LGI4: variants seen among roughly 807,000 people sequenced by gnomAD.
LGI4 encodes the protein leucine-rich repeat LGI family member 4.
A neutral mutation model predicts 48.3 loss-of-function variants in LGI4; 36 were observed. The ratio of observed to expected loss-of-function variants is 0.75; its 90% confidence interval spans 0.57 to 0.98. The LOEUF (loss-of-function observed/expected upper bound fraction) is 0.98. LGI4 is among the 50% of genes least tolerant of loss of function. The pLI is 0.00. For synonymous variants in LGI4, 355 were observed against 331.6 expected, an observed-to-expected ratio of 1.07 and a Z score of -0.77; for missense variants, 701 against 732.1, an observed-to-expected ratio of 0.96 and a Z score of 0.49.
At chr19:35,128,178 CT>C (rs762277146) in intron 6 of LGI4, among the ~76,000 whole-genome samples, 1 of 152,206 alleles carries the variant, frequency 6.6e-6, no homozygotes. Flanking sequence ...TCCTTCTATC[CT>C]TAATTCATGG....
chr19:35,129,621 G>A (rs1334391703), intron 6 of LGI4, among the ~76,000 whole-genome samples: 1 of 152,096 alleles, frequency 6.6e-6, no homozygotes, highest in African/African-American at 2.4e-5. Context: ...CTCCATTCTC[G>A]ATTAGCCGGG....
At position 35,126,742 on chromosome 19, in the gene LGI4, A is replaced by T. The variant is rs1290174991; in HGVS notation, c.827T>A (p.Leu276Gln). 1 of 1,542,014 alleles carries T rather than the reference A, an allele frequency of 6.5e-7. No individual in the cohort carries two copies. Among genetic ancestry groups the T allele is most frequent in the East Asian group, 2.4e-5 (1 of 41,152 alleles). The change falls in exon 8 of 9, where the codon CTG (leucine) becomes CAG (glutamine). Residue 276 changes from leucine (L) to glutamine (Q), a missense_variant. This residue lies in a region of LGI4 where 462 missense variants were observed against 436.4 expected (regional missense o/e 1.06). Transcript: ENST00000310123. ...AGCCAGCACGAAGAGGCTCGGGCCC[A>T]GCACCAGTGGCTTGCAGGACACCAC... ...ASVVSCKPLV[L>Q]GPSLFVLAAR...
At position 35,126,571 on chromosome 19, in the gene LGI4, AC is replaced by A; in HGVS notation, c.997del (p.Val333TrpfsTer137). ...LWLEGQPCFV[V>X]ADASKAGSTT... ...GCTGCCCGCCTTGGAGGCATCGGCC[AC>A]CACGAAGCAGGGTTGCCCTTCCAGC... On this transcript the variant is annotated frameshift_variant, in exon 8 of 9. Coordinates refer to ENST00000310123, the MANE Select transcript of LGI4 (RefSeq NM_139284.3). LOFTEE classifies it high-confidence loss of function. The A allele has an allele frequency of 1.3e-6, 2 of 1,539,670 alleles. No individual in the cohort carries two copies. Among genetic ancestry groups the A allele is most frequent in the Non-Finnish European group, 8.7e-7 (1 of 1,148,220 alleles).
chr19:35,132,203 T>A (rs1013056814), intron 3 of LGI4, among the ~76,000 whole-genome samples, 161 bp from the exon 4 acceptor site: 12 of 152,120 alleles, frequency 7.9e-5, no homozygotes, highest in South Asian at 4.1e-4. Context: ...GTCCCAGCCA[T>A]CAATTCTAGG....
intron 6 of LGI4, among the ~76,000 whole-genome samples, chr19:35,127,429 C>T (rs1003157167): frequency 3.3e-5 from 5 of 152,136 alleles, no homozygotes; most frequent in African/African-American, 1.2e-4. Flanking sequence ...GATCCTCCTG[C>T]CTTGACCTCC....
At chr19:35,133,959 G>T in intron 2 of LGI4, 74 bp downstream of exon 2, 1 of 1,450,612 alleles carries the variant, frequency 6.9e-7, no homozygotes, top group Non-Finnish European at 9.5e-7. Context: ...ATCTGTGTGA[G>T]CATACACTCC....
intron 6 of LGI4, among the ~76,000 whole-genome samples, chr19:35,128,211 C>T (rs571573850): frequency 5.3e-5 from 8 of 152,194 alleles, no homozygotes; most frequent in Non-Finnish European, 7.3e-5. Flanking sequence ...TTTGTGACAG[C>T]GGCTTGGCTT....
At chr19:35,132,815 C>T (rs114773205) in intron 3 of LGI4, among the ~76,000 whole-genome samples, 4,510 of 152,206 alleles carry the variant, frequency 0.03, 229 homozygotes, top group African/African-American at 0.1. Context: ...CCAACACTGC[C>T]AACACTCACA....
Position 35,131,820 on chromosome 19 carries a change from G to T in LGI4, c.427C>A (p.Leu143Met). The T allele has an allele frequency of 6.4e-7, 1 of 1,573,302 alleles. No homozygotes were observed. The highest frequency in any genetic ancestry group is 2.3e-5 in the East Asian group (1 of 42,914). ...NNHLETLPRF[L>M]FRGLDTLTHV... is the part of the protein sequence containing the mutation. ...GTAAGGGTGTCCAGGCCTCGGAACAGGAATCTGGGGAGGGTCTCCAGATGG... is the reference window on the plus strand; with the variant it reads ...GTAAGGGTGTCCAGGCCTCGGAACATGAATCTGGGGAGGGTCTCCAGATGG... The change falls in exon 5 of 9, where the codon CTG becomes ATG. Residue 143 changes from leucine (L) to methionine (M), a missense_variant. Coordinates refer to ENST00000310123, the MANE Select transcript of LGI4 (RefSeq NM_139284.3).
At position 35,131,519 on chromosome 19, in the gene LGI4, G is replaced by A. The variant is rs748017557; in HGVS notation, c.495C>T (p.Arg165=). 1.4e-5 allele frequency: 21 copies of A among 1,551,152 alleles called. No homozygotes were observed. Among genetic ancestry groups the A allele is most frequent in the South Asian group, 2.4e-5 (2 of 84,052 alleles). ...GCATCCACTGCAGGAGCCAGAGGACGCGGCAGTCACACTGGAACGGGTTCC... is the reference window on the plus strand; with the variant it reads ...GCATCCACTGCAGGAGCCAGAGGACACGGCAGTCACACTGGAACGGGTTCC... ...LRGNPFQCDC[R]VLWLLQWMPT... Residue 165 remains arginine (R), a synonymous_variant, in exon 6 of 9, where the codon CGC becomes CGT. Coordinates refer to ENST00000310123, the MANE Select transcript of LGI4 (RefSeq NM_139284.3).
chr19:35,126,702 C>A lies in LGI4; in HGVS notation c.867G>T (p.Gly289=). 1 of 1,538,110 alleles carries A rather than the reference C, an allele frequency of 6.5e-7. No individual in the cohort carries two copies. Among genetic ancestry groups the A allele is most frequent in the East Asian group, 2.4e-5 (1 of 41,144 alleles). Residue 289 remains glycine, a synonymous_variant, in exon 8 of 9, where the codon GGG becomes GGT. Coordinates refer to ENST00000310123, the MANE Select transcript of LGI4 (RefSeq NM_139284.3). The part of the protein sequence containing the change: ...SLFVLAARLW[G]GSQLWARPSP... ...TGGGCCGGGCCCACAGCTGTGAGCC[C>A]CCCCACAGGCGGGCAGCCAGCACGA...
At chr19:35,131,122 G>A (rs928870010) in intron 6 of LGI4, 10 of 602,134 alleles carry the variant, frequency 1.7e-5, no homozygotes, top group South Asian at 1.6e-4. Flanking sequence ...AAGGGTGAAC[G>A]TTTATAAGGA....
intron 3 of LGI4, chr19:35,133,229 A>G: frequency 2.1e-6 from 1 of 476,042 alleles, no homozygotes; most frequent in Non-Finnish European, 2.8e-6. Context: ...CAGCATTGTC[A>G]TGCTGTGACT....
rs764959199 is a variant in LGI4, at chr19:35,125,244, A to G, written c.1563T>C (p.Phe521=). ...AGRRFLFAAC[F]KGPTQIYQHH... ...GCTGGTAGATCTGTGTGGGGCCCTT[A>G]AAGCAAGCAGCAAAGAGGAAGCGTC... is the stretch of plus-strand genomic sequence containing the variant. The change falls in exon 9 of 9, where the codon TTT becomes TTC. Residue 521 remains phenylalanine (F), a synonymous_variant. Transcript: ENST00000310123. The G allele has an allele frequency of 1.3e-5, 21 of 1,584,890 alleles. No homozygotes were observed. The highest frequency in any genetic ancestry group is 1.6e-5 in the Non-Finnish European group (19 of 1,163,760).
chr19:35,127,270 C>T (rs529480152), intron 6 of LGI4, among the ~76,000 whole-genome samples: 65 of 152,346 alleles, frequency 4.3e-4, no homozygotes, highest in African/African-American at 1.4e-3. Context: ...ATGCAGCCTC[C>T]ACCTTCTAGG....
In LGI4 at chr19:35,125,513, G is replaced by A. The variant is rs761720558; in HGVS notation, c.1300-6C>T. The A allele has an allele frequency of 9.1e-6, 14 of 1,538,692 alleles. No individual in the cohort carries two copies. In the Admixed American group the frequency reaches 1.2e-4, roughly 13 times the overall value. On this transcript the variant is annotated splice_polypyrimidine_tract_variant and splice_region_variant and intron_variant, in intron 8 of 8. Coordinates refer to ENST00000310123, the MANE Select transcript of LGI4 (RefSeq NM_139284.3). ...GAGCCGTCCCAGCGCATGACCTGTG[G>A]GGGTGTGGCCAGTGAGGGCCTGGGG...
intron 6 of LGI4, among the ~76,000 whole-genome samples, chr19:35,128,057 C>A (rs1239818026): frequency 3.3e-5 from 5 of 152,196 alleles, no homozygotes; most frequent in African/African-American, 1.2e-4. Context: ...ACAGCTTGTC[C>A]CAACTTGGTC....
chr19:35,131,553 T>C lies in LGI4; in HGVS notation c.461A>G (p.Asp154Gly). ...ACACTGGAACGGGTTCCCGCGGAGG[T>C]CCCTGGGGCAAGAGGCCAGGGAGGG... ...FRGLDTLTHV[D>G]LRGNPFQCDC... The change falls in exon 6 of 9, where the codon GAC becomes GGC. Residue 154 changes from aspartate (D) to glycine (G), a missense_variant and splice_region_variant. Asp to Gly is a moderately conservative substitution (Grantham distance 94). Around this residue, in one of 3 missense-constraint regions of LGI4, gnomAD observed 462 missense variants for 436.4 expected, o/e 1.06. Coordinates refer to ENST00000310123, the MANE Select transcript of LGI4 (RefSeq NM_139284.3). 1 of 1,549,812 alleles carries C rather than the reference T, an allele frequency of 6.5e-7. No homozygotes were observed. The highest frequency in any genetic ancestry group is 8.7e-7 in the Non-Finnish European group (1 of 1,146,396).
At position 35,133,716 on chromosome 19, in the gene LGI4, C is replaced by G. The variant is rs766169320; in HGVS notation, c.291G>C (p.Ala97=). ...SFSVIEDDAF[A]GLSHLQYLFI... ...ACAGGTACTGCAGGTGGGACAGGCC[C>G]GCAAATGCATCGTCCTCAATCACGG... The change falls in exon 3 of 9, where the codon GCG becomes GCC. Residue 97 remains alanine (A), a synonymous_variant. Transcript: ENST00000310123. 3 of 1,608,158 alleles carry G rather than the reference C, an allele frequency of 1.9e-6. No homozygotes were observed. Among genetic ancestry groups the G allele is most frequent in the Non-Finnish European group, 2.5e-6 (3 of 1,177,780 alleles).
Sources: gnomAD v4.1 joint callset for allele counts (sites outside exome capture counted in the v4.1 genomes callset) on GRCh38, gnomAD v4.1.1 for gene constraint, gnomAD v4.1.1 regional missense constraint, MANE v1.5 for transcripts, NCBI Gene and HGNC (gene_info 2026-07-23, HGNC 2026-07-21) for gene names.